The following NARS2 variants were observed in gnomAD, a reference collection of about 807,000 sequenced individuals.
NARS2 encodes the protein asparaginyl-tRNA synthetase.
In NARS2, 60 loss-of-function variants were observed where a neutral mutation model predicts 62.9. That is an observed-to-expected ratio of 0.95 (90% confidence interval 0.77 to 1.18). The LOEUF is 1.18. Among genes scored for constraint, NARS2 ranks in the 50% most tolerant of loss-of-function variants. The pLI, the probability that NARS2 is intolerant of heterozygous loss-of-function variation, is 0.00. For synonymous variants in NARS2, 196 were observed against 200.0 expected (o/e 0.98, Z 0.17); for missense variants, 619 against 576.4 (o/e 1.07, Z -0.76).
chr11:78,459,996 A>C (rs1858330205), intron 11 of NARS2, among the ~76,000 whole-genome samples: 1 of 152,190 alleles, frequency 6.6e-6, no homozygotes, highest in Non-Finnish European at 1.5e-5. Context: ...AACATCAGTA[A>C]GCAAAATTAT....
intron 5 of NARS2, among the ~76,000 whole-genome samples, chr11:78,531,853 G>C (rs1284339594): frequency 1.3e-5 from 2 of 152,154 alleles, no homozygotes; most frequent in Non-Finnish European, 2.9e-5. Context: ...ACAGATGGAT[G>C]AGAGTCATGG....
chr11:78,569,288 A>G (rs887656266), intron 2 of NARS2, among the ~76,000 whole-genome samples: 6 of 152,182 alleles, frequency 3.9e-5, no homozygotes, highest in South Asian at 4.1e-4. Flanking sequence ...TCAAAAAAGG[A>G]GCTGGTAAAT....
chr11:78,488,575 T>TAC (rs1343065454), intron 7 of NARS2, among the ~76,000 whole-genome samples: 1 of 152,208 alleles, frequency 6.6e-6, no homozygotes, highest in Non-Finnish European at 1.5e-5. Flanking sequence ...TCCAGAAGTA[T>TAC]ACAATAATAA....
intron 7 of NARS2, among the ~76,000 whole-genome samples, chr11:78,487,184 C>T (rs895884541): frequency 3.3e-5 from 5 of 151,806 alleles, no homozygotes; most frequent in South Asian, 4.2e-4. Context: ...GGTGAAACCC[C>T]GTCTCTGATA....
intron 5 of NARS2, 148 bp from the exon 6 acceptor site, chr11:78,529,084 T>C (rs1861394163): frequency 3.4e-6 from 2 of 588,130 alleles, no homozygotes; most frequent in South Asian, 2.1e-5. Context: ...TAGTTACACA[T>C]CTAAGACAAA....
chr11:78,533,535 T>C (rs545480550), intron 5 of NARS2, among the ~76,000 whole-genome samples: 2 of 152,328 alleles, frequency 1.3e-5, no homozygotes, highest in Non-Finnish European at 2.9e-5. Flanking sequence ...CTCCATTCAA[T>C]TTGGCACATT....
chr11:78,522,297 G>A (rs1215764426), intron 6 of NARS2, among the ~76,000 whole-genome samples: 1 of 152,202 alleles, frequency 6.6e-6, no homozygotes, highest in African/African-American at 2.4e-5. Context: ...AATTGGTTGT[G>A]TAAGTGAAAT....
At chr11:78,543,042 G>A (rs1384828994) in intron 5 of NARS2, among the ~76,000 whole-genome samples, 1 of 152,206 alleles carries the variant, frequency 6.6e-6, no homozygotes, top group Non-Finnish European at 1.5e-5. Flanking sequence ...GCCAAGTACG[G>A]TGGTGGGTGC....
chr11:78,492,779 A>AC, intron 7 of NARS2, among the ~76,000 whole-genome samples: 1 of 152,196 alleles, frequency 6.6e-6, no homozygotes, highest in Non-Finnish European at 1.5e-5. Flanking sequence ...TAACCTTAGG[A>AC]GTAAGCACAA....
intron 8 of NARS2, 54 bp downstream of exon 8, chr11:78,478,531 T>C: frequency 5.4e-6 from 7 of 1,303,416 alleles, no homozygotes; most frequent in Non-Finnish European, 7.5e-6. Context: ...TCATTATGTA[T>C]AATTAACACA....
chr11:78,465,035 G>A (rs1858559524), intron 11 of NARS2, among the ~76,000 whole-genome samples: 1 of 152,220 alleles, frequency 6.6e-6, no homozygotes, highest in African/African-American at 2.4e-5. Flanking sequence ...GCGCTCGTCA[G>A]GGAGGCTTCA....
At chr11:78,549,437 T>C (rs1244693863) in intron 5 of NARS2, among the ~76,000 whole-genome samples, 1 of 152,190 alleles carries the variant, frequency 6.6e-6, no homozygotes, top group Non-Finnish European at 1.5e-5. Context: ...CAACAAAGTA[T>C]GTAAAAGTCC....
chr11:78,565,279 A>G (rs1856705862), intron 4 of NARS2, among the ~76,000 whole-genome samples: 2 of 152,234 alleles, frequency 1.3e-5, no homozygotes. Context: ...CTTACTTTAC[A>G]CAAAATATAG....
intron 11 of NARS2, 66 bp downstream of exon 11, chr11:78,465,810 A>T: frequency 6.6e-7 from 1 of 1,514,520 alleles, no homozygotes; most frequent in Non-Finnish European, 9.1e-7. Flanking sequence ...AGAAAAGATC[A>T]CAAAGGCTAA....
intron 11 of NARS2, among the ~76,000 whole-genome samples, chr11:78,445,867 G>C (rs1433361033): frequency 6.6e-6 from 1 of 152,104 alleles, no homozygotes. Flanking sequence ...AACTGAGGCA[G>C]GAATATCACT....
intron 5 of NARS2, among the ~76,000 whole-genome samples, chr11:78,539,267 T>C (rs909197605): frequency 2.0e-5 from 3 of 151,626 alleles, no homozygotes; most frequent in Admixed American, 6.6e-5. Context: ...ACTGGTAACA[T>C]TGGAAACAGA....
intron 6 of NARS2, among the ~76,000 whole-genome samples, chr11:78,495,853 TA>T (rs1860034601): frequency 6.6e-6 from 1 of 152,196 alleles, no homozygotes; most frequent in Admixed American, 6.5e-5. Flanking sequence ...TCTAAATAAG[TA>T]AAATGACATT....
At chr11:78,441,769 C>A (rs1857583467) in intron 12 of NARS2, among the ~76,000 whole-genome samples, 1 of 151,488 alleles carries the variant, frequency 6.6e-6, no homozygotes, top group South Asian at 2.1e-4. Context: ...TTGGGAGGCA[C>A]ACACAGACAA....
At chr11:78,450,664 G>GT (rs1857938667) in intron 11 of NARS2, among the ~76,000 whole-genome samples, 3 of 123,160 alleles carry the variant, frequency 2.4e-5, no homozygotes, top group African/African-American at 6.4e-5. Flanking sequence ...CAAAAGCCTT[G>GT]TCTTTTTTTT....
Sources: allele counts gnomAD v4.1 joint callset (sites outside exome capture counted in the v4.1 genomes callset), GRCh38; gene constraint gnomAD v4.1.1; transcripts MANE v1.5; gene names NCBI Gene and HGNC (gene_info 2026-07-23, HGNC 2026-07-21).